CD55: variants seen among roughly 807,000 people sequenced by gnomAD.
CD55 encodes the protein CD55 molecule (Cromer blood group), also known as complement decay-accelerating factor.
CD55 carries 41 observed loss-of-function variants against 45.8 expected under a neutral mutation model. That is an observed-to-expected ratio of 0.90 (90% CI 0.70 to 1.16). The LOEUF (loss-of-function observed/expected upper bound fraction) is 1.16, where lower values mean the gene tolerates loss of function less well. Ranked by LOEUF, CD55 falls within the 50% of genes most tolerant of loss-of-function variation. The pLI is 0.00. For missense variants in CD55, 416 were observed against 469.8 expected (o/e 0.89, Z 1.06); for synonymous variants, 181 against 181.1 (o/e 1.00, Z 0.01).
intron 6 of CD55, among the ~76,000 whole-genome samples, chr1:207,331,613 C>G (rs1328924574): frequency 6.6e-6 from 1 of 152,078 alleles, no homozygotes; most frequent in African/African-American, 2.4e-5. Context: ...TTTGTTTATA[C>G]AAAGAGATAT....
intron 9 of CD55, among the ~76,000 whole-genome samples, chr1:207,359,072 T>C (rs28371671): frequency 1.3e-5 from 2 of 152,216 alleles, no homozygotes; most frequent in Non-Finnish European, 2.9e-5. Context: ...TTATAGGTCA[T>C]GTTTATAGAT....
At chr1:207,331,363 C>A in intron 6 of CD55, 67 bp downstream of exon 6, 2 of 1,218,438 alleles carry the variant, frequency 1.6e-6, no homozygotes, top group South Asian at 1.3e-5. Flanking sequence ...GGGTTGCAGA[C>A]ATTCAATGAA....
chr1:207,341,787 G>A (rs1225216902), intron 9 of CD55, among the ~76,000 whole-genome samples: 1 of 151,664 alleles, frequency 6.6e-6, no homozygotes, highest in Non-Finnish European at 1.5e-5. Context: ...GTGAAAAATG[G>A]CATTGATATC....
At chr1:207,356,264 A>G (rs1558160038) in intron 9 of CD55, among the ~76,000 whole-genome samples, 2 of 152,112 alleles carry the variant, frequency 1.3e-5, no homozygotes, top group South Asian at 4.1e-4. Flanking sequence ...ATTTCCAGTA[A>G]AATTTGGTAC....
intron 5 of CD55, among the ~76,000 whole-genome samples, chr1:207,330,284 G>A (rs1654883270): frequency 6.6e-6 from 1 of 150,982 alleles, no homozygotes; most frequent in Non-Finnish European, 1.5e-5. Context: ...AGTATGTTTG[G>A]TGTAACATAA....
chr1:207,354,121 T>A (rs1256704127), intron 9 of CD55: 1 of 1,517,176 alleles, frequency 6.6e-7, no homozygotes, highest in Non-Finnish European at 8.8e-7. Context: ...GAATTCTAAG[T>A]TGGGTTCTTT....
Position 207,360,217 on chromosome 1 carries a change from C to G in CD55, c.*607C>G, listed in dbSNP as rs762805341. 6.6e-6 allele frequency: 1 copy of G among 152,052 alleles called. No individual in the cohort carries two copies. The highest frequency in any genetic ancestry group is 1.5e-5 in the Non-Finnish European group (1 of 67,992). 9.4% of individuals were successfully genotyped at this position (152,052 alleles called of 1,614,324 possible). ...AAAGACTGAATCTTCCTTTGTTGCA[C>G]AAATAGAGTTTGGAAAAAGCCTGTG... On this transcript the variant is annotated 3_prime_UTR_variant, in exon 10 of 10. Transcript: ENST00000367064.
intron 8 of CD55, among the ~76,000 whole-genome samples, chr1:207,338,675 G>A (rs755427467): frequency 6.6e-5 from 10 of 152,054 alleles, no homozygotes; most frequent in Middle Eastern, 3.4e-3. Context: ...GATATGTTCC[G>A]TTCACCTTCT....
At chr1:207,345,814 G>A (rs1177624190) in intron 9 of CD55, among the ~76,000 whole-genome samples, 2 of 152,218 alleles carry the variant, frequency 1.3e-5, no homozygotes, top group Non-Finnish European at 2.9e-5. Flanking sequence ...ATGCAGTAGT[G>A]TAGTTTCTGT....
intron 9 of CD55, among the ~76,000 whole-genome samples, chr1:207,353,715 A>T (rs577390677): frequency 0.014 from 2,173 of 152,308 alleles, 64 homozygotes; most frequent in African/African-American, 0.05. Flanking sequence ...TATTAAAAAA[A>T]TTGAAGAAAT....
intron 6 of CD55, among the ~76,000 whole-genome samples, chr1:207,336,282 G>C (rs2102406051): frequency 6.6e-6 from 1 of 152,256 alleles, no homozygotes; most frequent in African/African-American, 2.4e-5. Flanking sequence ...AAGGTTAAGT[G>C]ATAGAAAAGG....
chr1:207,331,243 G>T lies in CD55; in HGVS notation c.800G>T (p.Cys267Phe). 2 of 1,613,796 alleles carry T rather than the reference G, an allele frequency of 1.2e-6. No individual in the cohort carries two copies. The highest frequency in any genetic ancestry group is 1.7e-6 in the Non-Finnish European group (2 of 1,179,766). Residue 267 changes from cysteine (C) to phenylalanine (F), a missense_variant, in exon 6 of 10, where the codon TGT (cysteine) becomes TTT (phenylalanine). By Grantham distance (205) the Cys-to-Phe change is radical (BLOSUM62 -2). Transcript: ENST00000367064. ...FTMIGEHSIY[C>F]TVNNDEGEWS... Reference sequence around the variant, plus strand: ...ATGATTGGAGAGCACTCTATTTATTGTACTGTGAATAATGATGAAGGAGAG... The same window carrying T: ...ATGATTGGAGAGCACTCTATTTATTTTACTGTGAATAATGATGAAGGAGAG...
At chr1:207,354,154 A>ATAT in intron 9 of CD55, 2 of 1,468,416 alleles carry the variant, frequency 1.4e-6, no homozygotes, top group Non-Finnish European at 1.8e-6. Context: ...GATACCCTAT[A>ATAT]TATTAATGTA....
At chr1:207,348,939 C>T (rs955172235) in intron 9 of CD55, among the ~76,000 whole-genome samples, 1 of 152,070 alleles carries the variant, frequency 6.6e-6, no homozygotes, top group African/African-American at 2.4e-5. Flanking sequence ...ATTTTTGTAC[C>T]AGTACCATGC....
chr1:207,347,495 C>T (rs1168035312), intron 9 of CD55: 4 of 278,152 alleles, frequency 1.4e-5, no homozygotes, highest in Non-Finnish European at 2.9e-5. Context: ...CTCCTGGCCT[C>T]GAGATCTGCC....
chr1:207,332,259 T>C (rs935884151), intron 6 of CD55, among the ~76,000 whole-genome samples: 1 of 152,152 alleles, frequency 6.6e-6, no homozygotes, highest in South Asian at 2.1e-4. Flanking sequence ...ATCTAACCAG[T>C]CCTCTATTGA....
chr1:207,349,186 AT>A (rs55880818), intron 9 of CD55, among the ~76,000 whole-genome samples: 3,243 of 141,988 alleles, frequency 0.023, 102 homozygotes, highest in African/African-American at 0.075. Flanking sequence ...TTTTGTATTA[AT>A]TTTTTTTTTT....
chr1:207,360,794 T>C lies in CD55; in HGVS notation c.*1184T>C, dbSNP rs1053320326. 6.6e-6 allele frequency: 1 copy of C among 152,192 alleles called. No individual in the cohort carries two copies. The highest frequency in any genetic ancestry group is 1.5e-5 in the Non-Finnish European group (1 of 68,014). 9.4% of individuals were successfully genotyped at this position (152,192 alleles called of 1,614,324 possible). On this transcript the variant is annotated 3_prime_UTR_variant, in exon 10 of 10. Coordinates refer to ENST00000367064, the MANE Select transcript of CD55 (RefSeq NM_000574.5). ...TTACATTTTAAGTGTTAGACTAGAC[T>C]AAGATGTACTAGTTGTATAGAATAT...
intron 6 of CD55, 63 bp downstream of exon 6, chr1:207,331,359 C>G (rs1654938881): frequency 7.6e-7 from 1 of 1,309,220 alleles, no homozygotes; most frequent in Non-Finnish European, 1.1e-6. Context: ...ATGTGGGTTG[C>G]AGACATTCAA....
Sources: gnomAD v4.1 joint callset for allele counts (sites outside exome capture counted in the v4.1 genomes callset) on GRCh38, gnomAD v4.1.1 for gene constraint, MANE v1.5 for transcripts, NCBI Gene and HGNC (gene_info 2026-07-23, HGNC 2026-07-21) for gene names.